Variants in PTN observed in about 807,000 individuals in gnomAD.
The protein encoded by PTN is heparin affin regulatory protein.
PTN carries 18 observed loss-of-function variants against 24.1 expected under a neutral mutation model. The ratio of observed to expected loss-of-function variants is 0.75; its 90% CI spans 0.52 to 1.11. The LOEUF (loss-of-function observed/expected upper bound fraction) is 1.11, where lower values mean the gene tolerates loss of function less well. PTN is among the 50% of genes least tolerant of loss of function. PTN has a pLI of 0.00. For synonymous variants in PTN, 78 were observed against 68.6 expected (o/e 1.14, Z -0.67); for missense variants, 163 against 198.8 (o/e 0.82, Z 1.08).
chr7:137,294,605 C>G (rs1809690646), intron 1 of PTN, among the ~76,000 whole-genome samples: 1 of 152,108 alleles, frequency 6.6e-6, no homozygotes, highest in Non-Finnish European at 1.5e-5. Flanking sequence ...GCAAGTTTCT[C>G]TGCCATCCAC....
chr7:137,238,178 A>G (rs550576058), intron 4 of PTN, among the ~76,000 whole-genome samples: 1 of 152,292 alleles, frequency 6.6e-6, no homozygotes, highest in East Asian at 1.9e-4. Flanking sequence ...AGCAGAGCAG[A>G]CTGGGAGTGT....
chr7:137,339,222 A>G (rs752368098), intron 1 of PTN, among the ~76,000 whole-genome samples: 18 of 152,234 alleles, frequency 1.2e-4, no homozygotes, highest in Non-Finnish European at 2.1e-4. Context: ...TCTCCTTTAA[A>G]TACATTTCTA....
At chr7:137,276,416 C>A (rs1397366854) in intron 1 of PTN, among the ~76,000 whole-genome samples, 1 of 152,164 alleles carries the variant, frequency 6.6e-6, no homozygotes, top group African/African-American at 2.4e-5. Flanking sequence ...CTGTTCTCAT[C>A]CCTCTTAGAA....
intron 1 of PTN, among the ~76,000 whole-genome samples, chr7:137,322,711 A>G (rs1012053572): frequency 1.3e-5 from 2 of 152,142 alleles, no homozygotes; most frequent in Non-Finnish European, 2.9e-5. Context: ...TTCTTTTTTC[A>G]TGGTACACAT....
intron 1 of PTN, among the ~76,000 whole-genome samples, chr7:137,335,698 A>G (rs1480568630): frequency 6.6e-6 from 1 of 152,154 alleles, no homozygotes; most frequent in East Asian, 1.9e-4. Context: ...GAATTTTGGC[A>G]AAGACCCTGG....
intron 1 of PTN, among the ~76,000 whole-genome samples, chr7:137,278,974 AT>A (rs1452436273): frequency 2.0e-5 from 3 of 147,114 alleles, no homozygotes; most frequent in African/African-American, 5.0e-5. Flanking sequence ...AATAATAATA[AT>A]AATAATAAAA....
chr7:137,343,487 G>GGGGC lies in PTN; in HGVS notation c.-54_-51dup, dbSNP rs1393359314. The stretch of plus-strand genomic sequence containing the variant: ...GGCGCTCAGTCTGCCTTTGTTGCAA[G>GGGGC]GGGCGAGGTTGCTACCGCTGAGTCC... On this transcript the variant is annotated 5_prime_UTR_variant, in exon 1 of 5. Transcript: ENST00000348225. 1 of 518,650 alleles carries GGGGC rather than the reference G, an allele frequency of 1.9e-6. No homozygotes were observed. Among genetic ancestry groups the GGGGC allele is most frequent in the Non-Finnish European group, 3.8e-6 (1 of 259,810 alleles). 32.1% of individuals were successfully genotyped at this position (518,650 alleles called of 1,614,324 possible). A position where few individuals can be genotyped will look rare whatever the true frequency, so the allele number is the denominator to read the frequency against.
At chr7:137,252,576 CTA>C (rs1808847300) in intron 3 of PTN, among the ~76,000 whole-genome samples, 1 of 151,786 alleles carries the variant, frequency 6.6e-6, no homozygotes, top group Non-Finnish European at 1.5e-5. Flanking sequence ...TAGAACTTGT[CTA>C]TATCCATTCA....
At chr7:137,277,556 A>G (rs2128875305) in intron 1 of PTN, among the ~76,000 whole-genome samples, 1 of 152,264 alleles carries the variant, frequency 6.6e-6, no homozygotes, top group South Asian at 2.1e-4. Flanking sequence ...TAGTCAAACA[A>G]TGTTATCCCA....
chr7:137,280,202 T>G (rs1299191637), intron 1 of PTN, among the ~76,000 whole-genome samples: 1 of 152,162 alleles, frequency 6.6e-6, no homozygotes, highest in Non-Finnish European at 1.5e-5. Context: ...CTCTCTCTAC[T>G]TTTAATATTA....
intron 1 of PTN, among the ~76,000 whole-genome samples, chr7:137,330,344 A>G (rs1052676815): frequency 1.3e-5 from 2 of 151,942 alleles, no homozygotes; most frequent in African/African-American, 4.8e-5. Flanking sequence ...GGAGGAGGAG[A>G]AGGAGAAGGA....
Position 137,333,811 on chromosome 7 carries a change from C to A in PTN, c.-2+9628G>T, listed in dbSNP as rs368659051. ...AAACTATACTACAAGCCTACAGTAA[C>A]CAAAACAGCATGGTACTGGTACCAA... On this transcript the variant is annotated intron_variant, in intron 1 of 4. Transcript: ENST00000348225. 2.6e-3 allele frequency among the ~76,000 whole-genome samples: 389 copies of A among 152,260 alleles called. 25 individuals are homozygous for A. In the South Asian group the frequency reaches 0.077, roughly 30 times the overall value.
intron 1 of PTN, among the ~76,000 whole-genome samples, chr7:137,316,144 T>C (rs1318294004): frequency 6.6e-6 from 1 of 152,194 alleles, no homozygotes; most frequent in Non-Finnish European, 1.5e-5. Context: ...GAATCATCTC[T>C]TAAGGCCGTT....
At chr7:137,307,679 C>A (rs980403098) in intron 1 of PTN, among the ~76,000 whole-genome samples, 1 of 151,760 alleles carries the variant, frequency 6.6e-6, no homozygotes, top group African/African-American at 2.4e-5. Context: ...GTGAGTAATC[C>A]ATTTTGTTGT....
chr7:137,340,755 A>T (rs1198507587), intron 1 of PTN, among the ~76,000 whole-genome samples: 1 of 152,200 alleles, frequency 6.6e-6, no homozygotes, highest in African/African-American at 2.4e-5. Flanking sequence ...AACAAAGGCC[A>T]TTGGAGAGCT....
intron 1 of PTN, among the ~76,000 whole-genome samples, chr7:137,321,504 T>C (rs1238206746): frequency 2.6e-5 from 4 of 152,230 alleles, no homozygotes; most frequent in African/African-American, 9.6e-5. Context: ...CTGGCACTAA[T>C]AGTGTTTATC....
intron 1 of PTN, among the ~76,000 whole-genome samples, chr7:137,277,722 A>C (rs1227548242): frequency 6.6e-6 from 1 of 152,066 alleles, no homozygotes; most frequent in Non-Finnish European, 1.5e-5. Context: ...GGCACATGTC[A>C]CCACACTTGG....
intron 1 of PTN, among the ~76,000 whole-genome samples, chr7:137,293,433 C>T (rs207468657): frequency 6.6e-6 from 1 of 151,998 alleles, no homozygotes; most frequent in African/African-American, 2.4e-5. Context: ...GAAGTTATTC[C>T]TCATGTGATT....
At chr7:137,287,141 A>C (rs1406128811) in intron 1 of PTN, among the ~76,000 whole-genome samples, 3 of 152,214 alleles carry the variant, frequency 2.0e-5, no homozygotes, top group African/African-American at 7.2e-5. Context: ...CTATGTTTAC[A>C]AAGCAGCACA....
Sources: gnomAD v4.1 joint callset for allele counts (sites outside exome capture counted in the v4.1 genomes callset) on GRCh38, gnomAD v4.1.1 for gene constraint, MANE v1.5 for transcripts, NCBI Gene and HGNC (gene_info 2026-07-23, HGNC 2026-07-21) for gene names.